Variants in CCDC88C observed in about 807,000 individuals in gnomAD.
The protein encoded by CCDC88C is coiled-coil and HOOK domain protein 88C.
In CCDC88C, 131 loss-of-function variants were observed where a neutral mutation model predicts 198.8. That is an observed-to-expected ratio of 0.66 (90% CI 0.57 to 0.76). The LOEUF (loss-of-function observed/expected upper bound fraction) is 0.76, where lower values mean the gene tolerates loss of function less well. Ranked by LOEUF, CCDC88C falls within the 30% of genes least tolerant of loss-of-function variation. CCDC88C has a pLI of 0.00. For synonymous variants in CCDC88C, 1,166 were observed against 1,114.7 expected, an observed-to-expected ratio of 1.05 and a Z score of -0.92; for missense variants, 2,553 against 2,631.6, an observed-to-expected ratio of 0.97 and a Z score of 0.65.
chr14:91,293,595 A>ACGGCCCACC lies in CCDC88C; in HGVS notation c.4112+577_4112+578insGGTGGGCCG, dbSNP rs1567056054. ...CCACCTTCCTGTCCCCTCGCCTGCC[A>ACGGCCCACC]TGGCCCACCTCCTGTGGGCCTCCCC... is the stretch of plus-strand genomic sequence containing the variant. On this transcript the variant is annotated intron_variant, in intron 23 of 29. Coordinates refer to ENST00000389857, the MANE Select transcript of CCDC88C (RefSeq NM_001080414.4). Among the ~76,000 whole-genome samples, 126 of 135,122 alleles carry ACGGCCCACC rather than the reference A, an allele frequency of 9.3e-4. 14 individuals carry two copies. The highest frequency in any genetic ancestry group is 3.7e-3 in the Middle Eastern group (1 of 268). The allele number at this position is 135,122 out of a possible 152,430, so 88.6% of individuals were successfully genotyped here.
chr14:91,388,115 AT>A (rs1472777608), intron 3 of CCDC88C, among the ~76,000 whole-genome samples: 2 of 152,174 alleles, frequency 1.3e-5, no homozygotes, highest in Non-Finnish European at 2.9e-5. Context: ...CTCTGAAACC[AT>A]CCCCCTTAGA....
chr14:91,341,027 C>A (rs1017421071), intron 6 of CCDC88C, among the ~76,000 whole-genome samples: 1 of 151,874 alleles, frequency 6.6e-6, no homozygotes, highest in Non-Finnish European at 1.5e-5. Context: ...TAAAAAAAGA[C>A]AAACCCATAA....
chr14:91,325,566 G>A lies in CCDC88C; in HGVS notation c.1197+344C>T, dbSNP rs61988403. Among the ~76,000 whole-genome samples, 8,881 of 152,030 alleles carry A rather than the reference G, an allele frequency of 0.058. 286 individuals are homozygous for A. Among genetic ancestry groups the A allele is most frequent in the African/African-American group, 0.073 (3,031 of 41,462 alleles). ...CCATAAACCTGAACCTGCCCCAATC[G>A]GTTTTCTTTTCTTTCTTTCTTTTTT... On this transcript the variant is annotated intron_variant, in intron 11 of 29. Coordinates refer to ENST00000389857, the MANE Select transcript of CCDC88C (RefSeq NM_001080414.4). The surrounding 1 kb of genome is among the most constrained non-coding windows in gnomAD (Gnocchi z 4.1).
rs1260553743 is a variant in CCDC88C, at chr14:91,273,358, G to C, written c.5354C>G (p.Ala1785Gly). ...QSLSLGRPRQ[A>G]PVPPASHAPA... is the part of the protein sequence containing the mutation. ...TGCATGGGAAGCTGGGGGCACCGGA[G>C]CCTGCCGGGGTCTGCCCAGAGACAG... Residue 1785 changes from alanine (A) to glycine (G), a missense_variant, in exon 30 of 30, where the codon GCT becomes GGT. Transcript: ENST00000389857. The surrounding 1 kb of genome is among the most constrained non-coding windows in gnomAD (Gnocchi z 5.6). The C allele has an allele frequency of 6.5e-7, 1 of 1,532,542 alleles. No individual in the cohort carries two copies. The highest frequency in any genetic ancestry group is 8.8e-7 in the Non-Finnish European group (1 of 1,138,284). The allele number at this position is 1,532,542 out of a possible 1,614,324, so 94.9% of individuals were successfully genotyped here.
At position 91,303,868 on chromosome 14, in the gene CCDC88C, C is replaced by A. The variant is rs1891445100; in HGVS notation, c.3468G>T (p.Gln1156His). ...KETENESLQR[Q>H]QEQLTAAYEA... ...CGTAGGCCGCTGTAAGTTGCTCCTG[C>A]TGCCTCTGCAGGCTTTCGTTCTCCG... The change falls in exon 20 of 30, where the codon CAG becomes CAT. Residue 1156 changes from glutamine to histidine, a missense_variant. By Grantham distance (24) the Gln-to-His change is conservative. Transcript: ENST00000389857. 1.2e-6 allele frequency: 2 copies of A among 1,613,264 alleles called. No individual in the cohort carries two copies. The highest frequency in any genetic ancestry group is 1.3e-5 in the African/African-American group (1 of 75,082).
intron 3 of CCDC88C, among the ~76,000 whole-genome samples, chr14:91,376,532 C>T (rs1447658786): frequency 6.6e-6 from 1 of 152,216 alleles, no homozygotes; most frequent in African/African-American, 2.4e-5. Context: ...CAGGTGGGAA[C>T]ACAGCCCTGG....
intron 4 of CCDC88C, among the ~76,000 whole-genome samples, chr14:91,355,376 C>G (rs914910973): frequency 6.6e-6 from 1 of 152,190 alleles, no homozygotes; most frequent in Non-Finnish European, 1.5e-5. Flanking sequence ...GGGGCAGGCT[C>G]TTATAAGAGC....
chr14:91,397,483 C>T (rs1885920717), intron 3 of CCDC88C, among the ~76,000 whole-genome samples: 1 of 152,194 alleles, frequency 6.6e-6, no homozygotes, highest in Admixed American at 6.5e-5. Context: ...CACACTCTCA[C>T]ACTCATACTC....
At position 91,303,945 on chromosome 14, in the gene CCDC88C, C is replaced by CTGG; in HGVS notation, c.3390_3391insCCA (p.Ala1130_Ala1131insPro). On this transcript the variant is annotated inframe_insertion, in exon 20 of 30. Coordinates refer to ENST00000389857, the MANE Select transcript of CCDC88C (RefSeq NM_001080414.4). ...AGCAGCGTGTACTGCGCGGTGAGCG[C>CTGG]TGCGCTCTGGGAACTCAGCGTGGAG... The CTGG allele has an allele frequency of 6.2e-7, 1 of 1,608,756 alleles. No homozygotes were observed. Among genetic ancestry groups the CTGG allele is most frequent in the East Asian group, 2.2e-5 (1 of 44,858 alleles).
chr14:91,364,608 C>T (rs749655049), intron 3 of CCDC88C, among the ~76,000 whole-genome samples: 57 of 152,112 alleles, frequency 3.7e-4, no homozygotes, highest in Non-Finnish European at 6.8e-4. Context: ...TTATCAGTCA[C>T]CCCAAGGGGG....
At chr14:91,354,902 A>G (rs941763) in intron 4 of CCDC88C, among the ~76,000 whole-genome samples, 123,945 of 152,164 alleles carry the variant, frequency 0.81, 50,720 homozygotes, top group African/African-American at 0.83. Context: ...GTGCCAAAAG[A>G]TATGGAGAAG....
At position 91,309,218 on chromosome 14, in the gene CCDC88C, G is replaced by A. The variant is rs117297224; in HGVS notation, c.2864+641C>T. Among the ~76,000 whole-genome samples the A allele has an allele frequency of 3.5e-4, 53 of 152,304 alleles. 1 individual carries two copies. The East Asian group carries it at 9.8e-3, about 28-fold the overall frequency. On this transcript the variant is annotated intron_variant, in intron 16 of 29. Transcript: ENST00000389857. ...ACTGCACTCCTGCCTGGATGACAGA[G>A]TGACACTTCGTCTCAAAACAACAAC...
At position 91,371,659 on chromosome 14, in the gene CCDC88C, C is replaced by T. The variant is rs908570303; in HGVS notation, c.271-11948G>A. On this transcript the variant is annotated intron_variant, in intron 3 of 29. Coordinates refer to ENST00000389857, the MANE Select transcript of CCDC88C (RefSeq NM_001080414.4). The surrounding 1 kb of genome is among the most constrained non-coding windows in gnomAD (Gnocchi z 4.2). ...TCTGTCCTGGGCACACCCTCCCTAG[C>T]TCAGCAGAAGCAAGGCCTTCCTCGT... Among the ~76,000 whole-genome samples the T allele has an allele frequency of 2.0e-5, 3 of 152,134 alleles. No homozygotes were observed. Among genetic ancestry groups the T allele is most frequent in the Non-Finnish European group, 4.4e-5 (3 of 68,016 alleles).
chr14:91,364,160 C>G (rs958205563), intron 3 of CCDC88C, among the ~76,000 whole-genome samples: 2 of 152,248 alleles, frequency 1.3e-5, no homozygotes, highest in Non-Finnish European at 2.9e-5. Context: ...AGGCCTCTGT[C>G]TTGTCACCGG....
intron 3 of CCDC88C, among the ~76,000 whole-genome samples, chr14:91,405,983 C>G (rs1886462537): frequency 6.6e-6 from 1 of 152,190 alleles, no homozygotes. Context: ...CAGCCCAGTC[C>G]TCCAAGAGCT....
chr14:91,300,489 G>A (rs889794723), intron 20 of CCDC88C, among the ~76,000 whole-genome samples: 8 of 152,154 alleles, frequency 5.3e-5, no homozygotes, highest in South Asian at 2.1e-4. Flanking sequence ...GTGGAATTCC[G>A]CTGCACATCA....
At chr14:91,315,535 C>T in intron 14 of CCDC88C, 115 bp downstream of exon 14, 4 of 1,158,328 alleles carry the variant, frequency 3.5e-6, no homozygotes, top group Non-Finnish European at 3.6e-6. Flanking sequence ...TGTGGCTAAG[C>T]TAGGTAACGG....
chr14:91,411,561 G>C (rs1011342483), intron 2 of CCDC88C, among the ~76,000 whole-genome samples: 3 of 152,176 alleles, frequency 2.0e-5, no homozygotes, highest in Non-Finnish European at 4.4e-5. Flanking sequence ...GGATCTCAGA[G>C]GACACGACAT....
chr14:91,409,213 A>C (rs1268591026), intron 2 of CCDC88C, among the ~76,000 whole-genome samples: 1 of 151,162 alleles, frequency 6.6e-6, no homozygotes, highest in Non-Finnish European at 1.5e-5. Flanking sequence ...AAATAGAGAC[A>C]GGTCTCACTC....
Sources: gnomAD v4.1 joint callset for allele counts (sites outside exome capture counted in the v4.1 genomes callset) on GRCh38, gnomAD v4.1.1 for gene constraint, Gnocchi (gnomAD v3.1) non-coding constraint, MANE v1.5 for transcripts, NCBI Gene and HGNC (gene_info 2026-07-23, HGNC 2026-07-21) for gene names.